The following SLC36A1 variants were observed in gnomAD, a reference collection of about 807,000 sequenced individuals.
SLC36A1 encodes the protein solute carrier family 36 member 1, also known as proton-coupled amino acid transporter 1.
A neutral mutation model predicts 47.5 loss-of-function variants in SLC36A1; 30 were observed. The observed-to-expected ratio is 0.63, with a 90% CI of 0.47 to 0.86. SLC36A1 has a LOEUF of 0.86. Ranked by LOEUF, SLC36A1 falls within the 40% of genes least tolerant of loss-of-function variation. The pLI, the probability that SLC36A1 is intolerant of heterozygous loss-of-function variation, is 0.00. For missense variants in SLC36A1, 517 were observed against 606.0 expected (o/e 0.85, Z 1.54); for synonymous variants, 255 against 249.7 (o/e 1.02, Z -0.20).
chr5:151,464,982 A>G (rs1756123354), intron 4 of SLC36A1, 92 bp from the exon 5 acceptor site: 2 of 977,358 alleles, frequency 2.0e-6, no homozygotes, highest in South Asian at 2.6e-5. Context: ...AAAGATGGGA[A>G]CTGGCCCAGG....
At chr5:151,434,530 C>T (rs1759656398), upstream of SLC36A1, among the ~76,000 whole-genome samples, 1 of 151,814 alleles carries the variant, frequency 6.6e-6, no homozygotes, top group South Asian at 2.1e-4. Flanking sequence ...ATAATATAGT[C>T]CACAGAGACC....
chr5:151,449,690 G>C (rs972811082), intron 1 of SLC36A1, among the ~76,000 whole-genome samples: 1 of 152,220 alleles, frequency 6.6e-6, no homozygotes, highest in African/African-American at 2.4e-5. Flanking sequence ...AGGGTGTTTG[G>C]TAAGTGTTAA....
intron 1 of SLC36A1, among the ~76,000 whole-genome samples, chr5:151,440,614 T>C (rs1330165371): frequency 1.3e-5 from 2 of 151,712 alleles, no homozygotes; most frequent in Non-Finnish European, 2.9e-5. Flanking sequence ...CTCAAGACTA[T>C]GGAATGCAAA....
chr5:151,389,158 T>C, the SLC36A1 span, among the ~76,000 whole-genome samples: 2 of 152,214 alleles, frequency 1.3e-5, no homozygotes, highest in Non-Finnish European at 2.9e-5. Flanking sequence ...GTTACAATGC[T>C]GAGAGTATTG....
At chr5:151,378,799 A>G in the SLC36A1 span, among the ~76,000 whole-genome samples, 1 of 151,980 alleles carries the variant, frequency 6.6e-6, no homozygotes, top group African/African-American at 2.4e-5. Flanking sequence ...TGCCACCTCT[A>G]CCCACCCCCT....
chr5:151,453,879 T>C (rs930635453), intron 1 of SLC36A1, among the ~76,000 whole-genome samples: 70 of 151,740 alleles, frequency 4.6e-4, no homozygotes, highest in African/African-American at 8.7e-4. Context: ...AAAATTTATT[T>C]TATTTTTAAA....
chr5:151,453,012 G>A (rs1028305978), intron 1 of SLC36A1, among the ~76,000 whole-genome samples: 3 of 151,934 alleles, frequency 2.0e-5, no homozygotes, highest in African/African-American at 7.3e-5. Context: ...CACCAGCCTG[G>A]CCAACATGAT....
chr5:151,549,483 A>G, the SLC36A1 span: 3 of 1,614,158 alleles, frequency 1.9e-6, no homozygotes, highest in Non-Finnish European at 2.5e-6. Context: ...GTTCCTCTTG[A>G]TAGGTATTTC....
At chr5:151,496,282 G>A (rs548010870), downstream of SLC36A1, among the ~76,000 whole-genome samples, 52 of 152,264 alleles carry the variant, frequency 3.4e-4, no homozygotes, top group East Asian at 7.1e-3. Flanking sequence ...CTTGCCTTCC[G>A]CCGCGATTGT....
At chr5:151,463,028 G>A (rs1468828341) in intron 2 of SLC36A1, among the ~76,000 whole-genome samples, 1 of 151,928 alleles carries the variant, frequency 6.6e-6, no homozygotes, top group African/African-American at 2.4e-5. Context: ...GGCACATGCC[G>A]CTATGCCTGG....
At chr5:151,537,646 G>C in the SLC36A1 span, 1 of 719,092 alleles carries the variant, frequency 1.4e-6, no homozygotes, top group South Asian at 2.5e-5. Context: ...TATGTCCCCA[G>C]TACAATGCTT....
chr5:151,521,916 G>A, the SLC36A1 span: 2 of 1,614,012 alleles, frequency 1.2e-6, no homozygotes, highest in Non-Finnish European at 1.7e-6. Flanking sequence ...TGTCCTGGGG[G>A]TCTCGGTCTG....
chr5:151,509,958 G>A, the SLC36A1 span: 3 of 1,574,682 alleles, frequency 1.9e-6, no homozygotes, highest in East Asian at 2.2e-5. Context: ...CTTTCTAGAG[G>A]TCAGAGTACA....
At chr5:151,532,563 G>C in the SLC36A1 span, among the ~76,000 whole-genome samples, 1 of 152,208 alleles carries the variant, frequency 6.6e-6, no homozygotes, top group Non-Finnish European at 1.5e-5. Context: ...TGCATGAAGA[G>C]GGCACACAGT....
chr5:151,474,173 A>AAAAAAAAAAAAAC (rs1757726621), intron 8 of SLC36A1, among the ~76,000 whole-genome samples: 1 of 140,204 alleles, frequency 7.1e-6, no homozygotes, highest in African/African-American at 2.9e-5. Flanking sequence ...AAAAAAAAAA[A>AAAAAAAAAAAAAC]AAAAAAGAAA....
At chr5:151,458,232 C>T (rs200324873) in intron 1 of SLC36A1, among the ~76,000 whole-genome samples, 31,570 of 149,092 alleles carry the variant, frequency 0.21, 3,487 homozygotes, top group East Asian at 0.39. Flanking sequence ...AGATTTCCAT[C>T]CCCCCAAGAG....
chr5:151,364,074 G>A, the SLC36A1 span, among the ~76,000 whole-genome samples: 24,310 of 152,146 alleles, frequency 0.16, 2,526 homozygotes, highest in Non-Finnish European at 0.23. Context: ...ACTGTGAATG[G>A]CACCGTGTGT....
At chr5:151,351,397 G>A in the SLC36A1 span, among the ~76,000 whole-genome samples, 7 of 150,876 alleles carry the variant, frequency 4.6e-5, no homozygotes, top group African/African-American at 4.9e-5. Context: ...AAAAAAAAAA[G>A]CTATTCCTGA....
chr5:151,529,374 GC>G, the SLC36A1 span: 1 of 1,613,910 alleles, frequency 6.2e-7, no homozygotes, highest in Non-Finnish European at 8.5e-7. Context: ...GTCCAGGCTT[GC>G]GTTGACATAC....
Sources: allele counts gnomAD v4.1 joint callset (sites outside exome capture counted in the v4.1 genomes callset), GRCh38; gene constraint gnomAD v4.1.1; transcripts MANE v1.5; gene names NCBI Gene and HGNC (gene_info 2026-07-23, HGNC 2026-07-21).